The following IGSF11 variants were observed in gnomAD, a reference collection of about 807,000 sequenced individuals.
The protein encoded by IGSF11 is immunoglobulin superfamily member 11.
Under a neutral mutation model 41.0 loss-of-function variants are expected in IGSF11, and 22 were observed. The ratio of observed to expected loss-of-function variants is 0.54; its 90% CI spans 0.38 to 0.77. The LOEUF (loss-of-function observed/expected upper bound fraction) is 0.77, where lower values mean the gene tolerates loss of function less well. Ranked by LOEUF, IGSF11 falls within the 30% of genes least tolerant of loss-of-function variation. The pLI is 0.00. For synonymous variants in IGSF11, 219 were observed against 201.3 expected, an observed-to-expected ratio of 1.09 and a Z score of -0.74; for missense variants, 444 against 530.8, an observed-to-expected ratio of 0.84 and a Z score of 1.61.
intron 1 of IGSF11, among the ~76,000 whole-genome samples, chr3:118,939,396 C>T (rs899834820): frequency 1.3e-5 from 2 of 151,556 alleles, no homozygotes; most frequent in African/African-American, 2.4e-5. Context: ...GCCAACATGG[C>T]GAAACCCCAT....
intron 4 of IGSF11, among the ~76,000 whole-genome samples, chr3:118,925,390 A>G (rs1434807895): frequency 2.6e-5 from 4 of 152,330 alleles, no homozygotes; most frequent in Middle Eastern, 3.4e-3. Context: ...GAATACTACA[A>G]GAAACATTTT....
chr3:118,902,628 A>T lies in IGSF11; in HGVS notation c.1188T>A (p.Pro396=), dbSNP rs752467022. The change falls in exon 7 of 7, where the codon CCT becomes CCA. Residue 396 remains proline (P), a synonymous_variant. Coordinates refer to ENST00000393775, the MANE Select transcript of IGSF11 (RefSeq NM_001015887.3). Reference sequence around the variant, plus strand: ...TGTAGGAATGAGTGTGTGGAGGCCGAGGCTTCCTACTGACTGAGCCATTGC... The same window carrying T: ...TGTAGGAATGAGTGTGTGGAGGCCGTGGCTTCCTACTGACTGAGCCATTGC... ...SRSNGSVSRK[P]RPPHTHSYTI... 1.2e-6 allele frequency: 2 copies of T among 1,613,842 alleles called. No individual in the cohort carries two copies. Among genetic ancestry groups the T allele is most frequent in the Non-Finnish European group, 8.5e-7 (1 of 1,179,910 alleles).
intron 4 of IGSF11, among the ~76,000 whole-genome samples, chr3:118,917,392 T>A: frequency 6.8e-6 from 1 of 146,858 alleles, no homozygotes; most frequent in African/African-American, 2.6e-5. Flanking sequence ...GAGAGAAGAA[T>A]CAAACAGACA....
At chr3:119,017,054 A>AG (rs1224336404) in intron 1 of IGSF11, among the ~76,000 whole-genome samples, 1 of 151,912 alleles carries the variant, frequency 6.6e-6, no homozygotes, top group Non-Finnish European at 1.5e-5. Context: ...AAAAAAAAAA[A>AG]AAAGCCAACT....
chr3:118,999,234 T>C (rs376397816), intron 1 of IGSF11, among the ~76,000 whole-genome samples: 11 of 152,126 alleles, frequency 7.2e-5, no homozygotes, highest in African/African-American at 2.6e-4. Context: ...TATAAATATA[T>C]TAGCTAAGAA....
chr3:118,986,744 G>A (rs1935295039), intron 1 of IGSF11, among the ~76,000 whole-genome samples: 1 of 152,150 alleles, frequency 6.6e-6, no homozygotes, highest in Non-Finnish European at 1.5e-5. Context: ...TGAAATATAG[G>A]TTTTACATGT....
intron 1 of IGSF11, among the ~76,000 whole-genome samples, chr3:118,985,400 G>T (rs532491066): frequency 3.3e-5 from 5 of 152,114 alleles, no homozygotes; most frequent in Admixed American, 2.6e-4. Context: ...AAGACAAGGG[G>T]ATCATTCTAC....
intron 1 of IGSF11, among the ~76,000 whole-genome samples, chr3:119,054,693 G>A (rs991754135): frequency 1.3e-5 from 2 of 152,116 alleles, no homozygotes; most frequent in African/African-American, 4.8e-5. Flanking sequence ...TCTGCACAGA[G>A]GAAAAGAAGT....
chr3:118,919,349 C>T (rs1941499473), intron 4 of IGSF11, among the ~76,000 whole-genome samples: 1 of 126,844 alleles, frequency 7.9e-6, no homozygotes, highest in Non-Finnish European at 1.6e-5. Flanking sequence ...AAAATTTTCA[C>T]AACCTACTCA....
At chr3:118,988,392 T>G (rs1295047545) in intron 1 of IGSF11, among the ~76,000 whole-genome samples, 1 of 152,182 alleles carries the variant, frequency 6.6e-6, no homozygotes, top group African/African-American at 2.4e-5. Flanking sequence ...AAAGGGAGTA[T>G]GACCTGCCCA....
At chr3:119,105,001 A>G in intron 1 of IGSF11, 1 of 551,072 alleles carries the variant, frequency 1.8e-6, no homozygotes, top group South Asian at 3.1e-5. Context: ...GATTTTTCCC[A>G]GGACTTAGAA....
intron 1 of IGSF11, among the ~76,000 whole-genome samples, chr3:118,988,686 A>G (rs942289000): frequency 2.6e-5 from 4 of 152,220 alleles, no homozygotes; most frequent in African/African-American, 7.2e-5. Flanking sequence ...CAGTAAAAAC[A>G]AAAAGCTTAA....
upstream of IGSF11, chr3:119,105,239 T>C (rs757862646): frequency 8.1e-7 from 1 of 1,227,900 alleles, no homozygotes; most frequent in South Asian, 1.3e-5. Context: ...AGAGAGACTT[T>C]ATGTCATCAT....
intron 1 of IGSF11, among the ~76,000 whole-genome samples, chr3:118,987,196 C>G (rs1401596279): frequency 6.6e-6 from 1 of 152,154 alleles, no homozygotes; most frequent in African/African-American, 2.4e-5. Context: ...AGGTACAAGG[C>G]TCAGCTCTGC....
At chr3:119,136,976 T>C (rs115953708) in intron 1 of IGSF11, among the ~76,000 whole-genome samples, 176 of 152,150 alleles carry the variant, frequency 1.2e-3, no homozygotes, top group African/African-American at 4.1e-3. Context: ...GTAATGCCAT[T>C]TACAATAACT....
chr3:119,034,786 G>T lies in IGSF11; in HGVS notation c.-204C>A. The T allele has an allele frequency of 7.7e-7, 1 of 1,304,222 alleles. No individual in the cohort carries two copies. The highest frequency in any genetic ancestry group is 9.7e-7 in the Non-Finnish European group (1 of 1,026,244). 80.8% of individuals were successfully genotyped at this position (1,304,222 alleles called of 1,614,324 possible). On this transcript the variant is annotated 5_prime_UTR_variant, in exon 1 of 7. Coordinates refer to ENST00000393775, the MANE Select transcript of IGSF11 (RefSeq NM_001015887.3). ...AGCGCCGCCCGGCTCCGCGGACGCT[G>T]AGCTGTGACCAGAGGCGTTCCGGGC...
intron 1 of IGSF11, among the ~76,000 whole-genome samples, chr3:118,948,577 T>C (rs1425169860): frequency 6.6e-6 from 1 of 152,142 alleles, no homozygotes; most frequent in South Asian, 2.1e-4. Flanking sequence ...GTGTTGGATG[T>C]CATAGTAAAT....
intron 1 of IGSF11, among the ~76,000 whole-genome samples, chr3:118,997,887 T>C (rs575444162): frequency 1.3e-5 from 2 of 152,272 alleles, no homozygotes; most frequent in African/African-American, 2.4e-5. Flanking sequence ...TCATGGCAAA[T>C]GCTAAGAACT....
In IGSF11 at chr3:118,902,466, C is replaced by CAGTTT; in HGVS notation, c.*53_*54insAAACT. The stretch of plus-strand genomic sequence containing the variant: ...CAGCACTCCCCACCCCACCCTCCCC[C>CAGTTT]TTGTATGAGGGCATTCCATTTATTC... On this transcript the variant is annotated 3_prime_UTR_variant, in exon 7 of 7. Coordinates refer to ENST00000393775, the MANE Select transcript of IGSF11 (RefSeq NM_001015887.3). 1 of 878,270 alleles carries CAGTTT rather than the reference C, an allele frequency of 1.1e-6. No individual in the cohort carries two copies. The highest frequency in any genetic ancestry group is 1.8e-6 in the Non-Finnish European group (1 of 544,884). 54.4% of individuals were successfully genotyped at this position (878,270 alleles called of 1,614,324 possible).
Sources: gnomAD v4.1 joint callset for allele counts (sites outside exome capture counted in the v4.1 genomes callset) on GRCh38, gnomAD v4.1.1 for gene constraint, MANE v1.5 for transcripts, NCBI Gene and HGNC (gene_info 2026-07-23, HGNC 2026-07-21) for gene names.